The following EZH2 variants were observed in gnomAD, a reference collection of about 807,000 sequenced individuals.
The protein encoded by EZH2 is histone-lysine N-methyltransferase EZH2.
In EZH2, 18 loss-of-function variants were observed where a neutral mutation model predicts 98.4. That is an observed-to-expected ratio of 0.18 (90% confidence interval 0.13 to 0.27). EZH2 has a LOEUF of 0.27. EZH2 is among the 10% of genes least tolerant of loss of function. The pLI, the probability that EZH2 is intolerant of heterozygous loss-of-function variation, is 1.00. For missense variants in EZH2, 470 were observed against 935.1 expected (o/e 0.50, Z 6.49); for synonymous variants, 338 against 312.3 (o/e 1.08, Z -0.87).
chr7:148,846,488 T>C lies in EZH2; in HGVS notation c.228A>G (p.Ser76=). ...AACCAACCTCCCTAGTCCCGCGCAATGAGCTCACAGAAGTCAGGATGTGCA... is the reference window on the plus strand; with the variant it reads ...AACCAACCTCCCTAGTCCCGCGCAACGAGCTCACAGAAGTCAGGATGTGCA... ...QPVHILTSVS[S]LRGTRECSVT... The change falls in exon 3 of 20, where the codon TCA becomes TCG. Residue 76 remains serine, a synonymous_variant. Coordinates refer to ENST00000320356, the MANE Select transcript of EZH2 (RefSeq NM_004456.5). 6.2e-7 allele frequency: 1 copy of C among 1,613,674 alleles called. No homozygotes were observed. The highest frequency in any genetic ancestry group is 1.1e-5 in the South Asian group (1 of 91,000).
At position 148,827,282 on chromosome 7, in the gene EZH2, T is replaced by C. The variant is rs767042800; in HGVS notation, c.626-16A>G. On this transcript the variant is annotated splice_polypyrimidine_tract_variant and intron_variant, in intron 6 of 19. Coordinates refer to ENST00000320356, the MANE Select transcript of EZH2 (RefSeq NM_004456.5). ...CTTTCTTTATCTAAACAGGAGAATA[T>C]GAAAGGAAAAAAAGAATGGAAGTAA... The C allele has an allele frequency of 3.8e-6, 6 of 1,584,958 alleles. No individual in the cohort carries two copies. Among genetic ancestry groups the C allele is most frequent in the Non-Finnish European group, 1.7e-6 (2 of 1,160,842 alleles).
chr7:148,820,887 C>A (rs1805868142), intron 8 of EZH2: 1 of 152,108 alleles, frequency 6.6e-6, no homozygotes, highest in Non-Finnish European at 1.5e-5. Flanking sequence ...AAATAAATCT[C>A]AAAACCTGGA....
Position 148,884,186 on chromosome 7 carries a change from CGTTGTT to C in EZH2, c.-36_-31del, listed in dbSNP as rs1317119346. On this transcript the variant is annotated 5_prime_UTR_variant, in exon 1 of 20. Coordinates refer to ENST00000320356, the MANE Select transcript of EZH2 (RefSeq NM_004456.5). ...TACCTTCGTCCCGCGCGCCGACTCG[CGTTGTT>C]CCCGCGCGTCGCCCCCGCGCGCCGC... 1 of 165,236 alleles carries C rather than the reference CGTTGTT, an allele frequency of 6.1e-6. No homozygotes were observed. Among genetic ancestry groups the C allele is most frequent in the African/African-American group, 2.4e-5 (1 of 41,506 alleles). The allele number at this position is 165,236 out of a possible 1,614,324, so 10.2% of individuals were successfully genotyped here. A position where few individuals can be genotyped will look rare whatever the true frequency, so the allele number is the denominator to read the frequency against.
At chr7:148,872,829 T>C (rs1456424551) in intron 1 of EZH2, among the ~76,000 whole-genome samples, 1 of 152,210 alleles carries the variant, frequency 6.6e-6, no homozygotes, top group African/African-American at 2.4e-5. Flanking sequence ...ACATACTGTC[T>C]TTTTGATACC....
chr7:148,876,498 A>G (rs1342964791), intron 1 of EZH2, among the ~76,000 whole-genome samples: 1 of 152,182 alleles, frequency 6.6e-6, no homozygotes, highest in African/African-American at 2.4e-5. Context: ...AATTAATATA[A>G]CTTGACAACA....
intron 8 of EZH2, among the ~76,000 whole-genome samples, chr7:148,819,927 C>T (rs527834540): frequency 1.3e-5 from 2 of 152,310 alleles, no homozygotes; most frequent in Admixed American, 1.3e-4. Context: ...GTCGTGATTT[C>T]TCATTTTTCT....
At chr7:148,856,674 G>A (rs1432220671) in intron 1 of EZH2, among the ~76,000 whole-genome samples, 3 of 152,220 alleles carry the variant, frequency 2.0e-5, no homozygotes, top group Non-Finnish European at 4.4e-5. Flanking sequence ...AAGATGAAAG[G>A]AGACGGATAG....
intron 3 of EZH2, among the ~76,000 whole-genome samples, chr7:148,841,676 AT>A (rs1301040197): frequency 6.6e-6 from 1 of 152,216 alleles, no homozygotes; most frequent in Non-Finnish European, 1.5e-5. Flanking sequence ...AGTACACTAA[AT>A]TATACATGAA....
At chr7:148,813,522 G>A (rs946667905) in intron 15 of EZH2, among the ~76,000 whole-genome samples, 3 of 151,288 alleles carry the variant, frequency 2.0e-5, no homozygotes, top group South Asian at 2.1e-4. Context: ...AACCTGCCAT[G>A]GGAAATTTCA....
intron 2 of EZH2, 33 bp from the exon 3 acceptor site, chr7:148,846,631 A>G: frequency 1.3e-6 from 2 of 1,596,014 alleles, no homozygotes; most frequent in Non-Finnish European, 8.6e-7. Flanking sequence ...AGGAAAGGAG[A>G]AATTGTTCAT....
chr7:148,854,041 T>C (rs1816349205), intron 1 of EZH2, among the ~76,000 whole-genome samples: 1 of 152,208 alleles, frequency 6.6e-6, no homozygotes, highest in Non-Finnish European at 1.5e-5. Flanking sequence ...ACTCCACTTG[T>C]GAGAGGTATT....
chr7:148,860,041 G>A (rs1394348469), intron 1 of EZH2, among the ~76,000 whole-genome samples: 2 of 152,110 alleles, frequency 1.3e-5, no homozygotes, highest in African/African-American at 4.8e-5. Flanking sequence ...TGATCCTGAG[G>A]CTATGCCATT....
chr7:148,882,181 G>A (rs1821105107), intron 1 of EZH2, among the ~76,000 whole-genome samples: 1 of 152,088 alleles, frequency 6.6e-6, no homozygotes, highest in Non-Finnish European at 1.5e-5. Context: ...GTACAGTGGT[G>A]TCAACACTCT....
chr7:148,860,987 A>T (rs1165431048), intron 1 of EZH2, among the ~76,000 whole-genome samples: 1 of 151,882 alleles, frequency 6.6e-6, no homozygotes, highest in Admixed American at 6.6e-5. Context: ...TTTTATTTTT[A>T]TTAAAAACTG....
At chr7:148,827,687 G>A (rs1055146143) in intron 6 of EZH2, among the ~76,000 whole-genome samples, 30 of 152,070 alleles carry the variant, frequency 2.0e-4, no homozygotes, top group African/African-American at 5.8e-4. Flanking sequence ...TATTTCACCC[G>A]CCAAATTATT....
chr7:148,815,453 AAAC>A, intron 13 of EZH2, 50 bp downstream of exon 13: 2 of 1,548,596 alleles, frequency 1.3e-6, no homozygotes, highest in Non-Finnish European at 1.8e-6. Context: ...AAACAAATGA[AAAC>A]AAAGCAGATA....
At chr7:148,846,639 C>G (rs757048669) in intron 2 of EZH2, 41 bp from the exon 3 acceptor site, 8 of 1,581,688 alleles carry the variant, frequency 5.1e-6, no homozygotes, top group Non-Finnish European at 6.0e-6. Context: ...AGAAATTGTT[C>G]ATTGTTAGAA....
chr7:148,828,647 G>C, intron 6 of EZH2, 93 bp downstream of exon 6: 1 of 1,427,490 alleles, frequency 7.0e-7, no homozygotes, highest in Non-Finnish European at 9.5e-7. Flanking sequence ...GAAAGAAAAA[G>C]AGAAAGAAGA....
rs369076295 is a variant in EZH2, at chr7:148,849,582, A to G, written c.-7-2277T>C. 2.9e-4 allele frequency among the ~76,000 whole-genome samples: 44 copies of G among 152,340 alleles called. 1 individual carries two copies. The Middle Eastern group carries it at 0.01, about 35-fold the overall frequency. ...CTTGCCTGCGAGTTGCTAAAGTGGA[A>G]TAAAGCTGACAGTCACTCGGATTAA... On this transcript the variant is annotated intron_variant, in intron 1 of 19. Transcript: ENST00000320356.
Sources: gnomAD v4.1 joint callset for allele counts (sites outside exome capture counted in the v4.1 genomes callset) on GRCh38, gnomAD v4.1.1 for gene constraint, MANE v1.5 for transcripts, NCBI Gene and HGNC (gene_info 2026-07-23, HGNC 2026-07-21) for gene names.